TMEM232: variants seen among roughly 807,000 people sequenced by gnomAD.
TMEM232 encodes the protein transmembrane protein 232.
Under a neutral mutation model 78.8 loss-of-function variants are expected in TMEM232, and 80 were observed. The ratio of observed to expected loss-of-function variants is 1.01; its 90% CI spans 0.85 to 1.22. TMEM232 has a LOEUF of 1.22. Among genes scored for constraint, TMEM232 ranks in the 50% most tolerant of loss-of-function variants. The probability of loss-of-function intolerance (pLI) is 0.00; values close to 1 mark genes in which losing one functional copy is unlikely to be tolerated. For missense variants in TMEM232, 881 were observed against 742.2 expected (o/e 1.19, Z -2.17); for synonymous variants, 297 against 254.3 (o/e 1.17, Z -1.60).
rs577084651 is a variant in TMEM232, at chr5:110,571,686, T to TA, written c.1277-3062_1277-3061insT. Among the ~76,000 whole-genome samples the TA allele has an allele frequency of 7.1e-4, 103 of 145,760 alleles. 1 individual carries two copies. The highest frequency in any genetic ancestry group is 1.7e-3 in the Admixed American group (25 of 14,330). On this transcript the variant is annotated intron_variant, in intron 10 of 13. Coordinates refer to ENST00000455884, the MANE Select transcript of TMEM232 (RefSeq NM_001039763.4). ...AGTTGTTTTTTTTGTTTGTTTGTTT[T>TA]GTTTTTTTGTTTTTTTTTTAAATTA...
intron 12 of TMEM232, among the ~76,000 whole-genome samples, chr5:110,523,617 T>A (rs542383353): frequency 2.0e-4 from 31 of 152,120 alleles, no homozygotes; most frequent in South Asian, 1.7e-3. Flanking sequence ...TTTAAAAAAA[T>A]TATTCTTTGA....
chr5:110,711,657 C>T (rs1796492528), intron 1 of TMEM232, among the ~76,000 whole-genome samples: 1 of 152,122 alleles, frequency 6.6e-6, no homozygotes, highest in African/African-American at 2.4e-5. Flanking sequence ...TCATTTTTGA[C>T]ACAGGTGCCA....
At chr5:110,397,738 A>G (rs1167098181) in intron 3 of TMEM232, 1 of 152,584 alleles carries the variant, frequency 6.6e-6, no homozygotes, top group Non-Finnish European at 1.5e-5. Context: ...TAAAGTAAAA[A>G]TTATTGTTAG....
chr5:110,535,517 G>T (rs920642892), intron 11 of TMEM232, among the ~76,000 whole-genome samples: 8 of 152,124 alleles, frequency 5.3e-5, no homozygotes, highest in African/African-American at 1.9e-4. Context: ...CGCATGAAGT[G>T]TATATTTTAA....
intron 3 of TMEM232, among the ~76,000 whole-genome samples, chr5:110,395,292 A>T (rs986200936): frequency 6.6e-6 from 1 of 152,120 alleles, no homozygotes; most frequent in Non-Finnish European, 1.5e-5. Context: ...ATCAGCAGGG[A>T]CACATTTTTC....
downstream of TMEM232, among the ~76,000 whole-genome samples, chr5:110,418,869 G>C (rs1458848114): frequency 3.3e-5 from 5 of 152,146 alleles, no homozygotes; most frequent in African/African-American, 1.2e-4. Context: ...ATTCTTTTAA[G>C]TAGCAGTTAG....
chr5:110,722,601 A>C (rs2150352884), intron 1 of TMEM232, among the ~76,000 whole-genome samples: 1 of 152,326 alleles, frequency 6.6e-6, no homozygotes, highest in Middle Eastern at 3.4e-3. Flanking sequence ...GAACAATCCA[A>C]GAAACCAAGA....
intron 5 of TMEM232, among the ~76,000 whole-genome samples, chr5:110,629,247 T>A (rs1324413692): frequency 2.0e-5 from 3 of 151,916 alleles, no homozygotes; most frequent in Non-Finnish European, 4.4e-5. Flanking sequence ...TGAAAAAAAA[T>A]ATAATATTCA....
At chr5:110,658,936 C>A (rs1244827337) in intron 2 of TMEM232, among the ~76,000 whole-genome samples, 1 of 152,100 alleles carries the variant, frequency 6.6e-6, no homozygotes, top group Non-Finnish European at 1.5e-5. Context: ...GTTAATCTTC[C>A]ACTGAAGCCA....
chr5:110,622,793 G>T (rs1783918558), intron 7 of TMEM232, among the ~76,000 whole-genome samples: 1 of 149,966 alleles, frequency 6.7e-6, no homozygotes. Context: ...GTTGAACAAT[G>T]AGAACACATG....
At chr5:110,507,444 TA>T (rs1177724194) in intron 12 of TMEM232, among the ~76,000 whole-genome samples, 1 of 152,194 alleles carries the variant, frequency 6.6e-6, no homozygotes, top group Non-Finnish European at 1.5e-5. Context: ...AATATACCGT[TA>T]GGCTGATAAT....
In TMEM232 at chr5:110,496,066, C is replaced by G. The variant is rs918528658; in HGVS notation, c.1703+32522G>C. On this transcript the variant is annotated intron_variant, in intron 12 of 13. Transcript: ENST00000455884. ...TGTAATTTCTTGGGAAAATTGCATT[C>G]AAATCACAAAATTATAATAAAAATT... Among the ~76,000 whole-genome samples the G allele has an allele frequency of 2.0e-5, 3 of 151,536 alleles. No individual in the cohort carries two copies. The South Asian group carries it at 6.2e-4, about 31-fold the overall frequency.
chr5:110,550,878 A>G (rs1458195569), intron 11 of TMEM232, among the ~76,000 whole-genome samples: 5 of 141,640 alleles, frequency 3.5e-5, no homozygotes, highest in Non-Finnish European at 1.6e-5. Context: ...ATGTTACAGT[A>G]AAAAAAAAAA....
chr5:110,705,346 A>G (rs568580578), intron 1 of TMEM232, among the ~76,000 whole-genome samples: 1 of 152,258 alleles, frequency 6.6e-6, no homozygotes, highest in Non-Finnish European at 1.5e-5. Context: ...TTAATAAAGA[A>G]ATATATTGAC....
At chr5:110,610,473 CAT>C (rs1561381793) in intron 8 of TMEM232, 1 of 434,296 alleles carries the variant, frequency 2.3e-6, no homozygotes, top group Non-Finnish European at 4.6e-6. Flanking sequence ...GTTGGGAACA[CAT>C]ATGAACTATG....
At chr5:110,718,927 T>C (rs978598054) in intron 1 of TMEM232, among the ~76,000 whole-genome samples, 1 of 152,108 alleles carries the variant, frequency 6.6e-6, no homozygotes. Context: ...ATTTATTTCA[T>C]GGAATATAGT....
At chr5:110,723,348 G>A (rs1258960156) in intron 1 of TMEM232, among the ~76,000 whole-genome samples, 1 of 152,102 alleles carries the variant, frequency 6.6e-6, no homozygotes, top group African/African-American at 2.4e-5. Context: ...AGAGACAGGT[G>A]GGGCTGTGTG....
chr5:110,713,500 T>G (rs1329285967), intron 1 of TMEM232, among the ~76,000 whole-genome samples: 1 of 152,064 alleles, frequency 6.6e-6, no homozygotes, highest in Non-Finnish European at 1.5e-5. Flanking sequence ...TGTATCAAAA[T>G]ATAATATGTG....
intron 1 of TMEM232, among the ~76,000 whole-genome samples, chr5:110,737,444 T>C (rs1799298536): frequency 6.6e-6 from 1 of 152,204 alleles, no homozygotes; most frequent in African/African-American, 2.4e-5. Context: ...TTTTACAGTT[T>C]TTGATACATA....
Sources: gnomAD v4.1 joint callset for allele counts (sites outside exome capture counted in the v4.1 genomes callset) on GRCh38, gnomAD v4.1.1 for gene constraint, MANE v1.5 for transcripts, NCBI Gene and HGNC (gene_info 2026-07-23, HGNC 2026-07-21) for gene names.